U2AF2: variants seen among roughly 807,000 people sequenced by gnomAD.
The protein encoded by U2AF2 is splicing factor U2AF 65 kDa subunit.
U2AF2 carries 6 observed loss-of-function variants against 52.6 expected under a neutral mutation model. That is an observed-to-expected ratio of 0.11 (90% CI 0.06 to 0.23). The LOEUF is 0.23. U2AF2 is among the 10% of genes least tolerant of loss of function. U2AF2 has a pLI of 1.00. For synonymous variants in U2AF2, 284 were observed against 258.2 expected (o/e 1.10, Z -0.96); for missense variants, 222 against 677.1 (o/e 0.33, Z 7.46).
Position 55,669,748 on chromosome 19 carries a change from GC to G in U2AF2, c.1293+59del. ...ACCCTCTGCCCCTCCTCTTCTCCGC[GC>G]CCTCTTTCTTCCTCTCTTGCTCCCT... On this transcript the variant is annotated intron_variant, in intron 11 of 11. Coordinates refer to ENST00000308924, the MANE Select transcript of U2AF2 (RefSeq NM_007279.3). 2.0e-6 allele frequency: 3 copies of G among 1,516,154 alleles called. No homozygotes were observed. The African/African-American group carries it at 4.2e-5, about 21-fold the overall frequency. The allele number at this position is 1,516,154 out of a possible 1,614,324, so 93.9% of individuals were successfully genotyped here.
intron 4 of U2AF2, 103 bp from the exon 5 acceptor site, chr19:55,660,935 G>A: frequency 6.7e-7 from 1 of 1,485,152 alleles, no homozygotes; most frequent in Admixed American, 2.3e-5. Flanking sequence ...CCGAGAGCCT[G>A]TAGGAGCTTT....
In U2AF2 at chr19:55,661,022, T is replaced by C; in HGVS notation, c.335-16T>C. The stretch of plus-strand genomic sequence containing the variant: ...TCCCCTGATGGGGTTTTATCCGGCT[T>C]TTATTCCCTTTGAAGCTGCGGGTCA... On this transcript the variant is annotated splice_polypyrimidine_tract_variant and intron_variant, in intron 4 of 11. Transcript: ENST00000308924. The C allele has an allele frequency of 6.4e-7, 1 of 1,568,170 alleles. No homozygotes were observed. Among genetic ancestry groups the C allele is most frequent in the Non-Finnish European group, 8.7e-7 (1 of 1,147,884 alleles).
intron 7 of U2AF2, among the ~76,000 whole-genome samples, chr19:55,665,074 T>C (rs1984462146): frequency 6.6e-6 from 1 of 152,206 alleles, no homozygotes; most frequent in Non-Finnish European, 1.5e-5. Flanking sequence ...GAGCCTGTAA[T>C]ATATGTTGAC....
chr19:55,659,749 T>A (rs1984040747), intron 2 of U2AF2, among the ~76,000 whole-genome samples: 1 of 152,062 alleles, frequency 6.6e-6, no homozygotes, highest in Non-Finnish European at 1.5e-5. Context: ...GTTTCTTTCT[T>A]CCCTGCCTCC....
intron 1 of U2AF2, among the ~76,000 whole-genome samples, chr19:55,655,390 T>C (rs921208024): frequency 6.6e-6 from 1 of 152,146 alleles, no homozygotes; most frequent in Non-Finnish European, 1.5e-5. Flanking sequence ...CGGCTGTCCC[T>C]GCGCCCCACG....
intron 3 of U2AF2, 97 bp downstream of exon 3, chr19:55,660,318 A>C (rs1443867055): frequency 5.7e-6 from 8 of 1,395,768 alleles, no homozygotes. Flanking sequence ...GCCCTGGCCC[A>C]AGCACTGGGA....
At chr19:55,657,756 A>G (rs553181902) in intron 1 of U2AF2, among the ~76,000 whole-genome samples, 13 of 152,200 alleles carry the variant, frequency 8.5e-5, no homozygotes, top group East Asian at 1.9e-4. Context: ...CCTGATCCAC[A>G]TTCGAGAGTA....
At chr19:55,666,430 G>T (rs566959825) in intron 7 of U2AF2, among the ~76,000 whole-genome samples, 1 of 152,374 alleles carries the variant, frequency 6.6e-6, no homozygotes. Flanking sequence ...AAGACTCCGA[G>T]AAGATTCCTT....
Position 55,668,966 on chromosome 19 carries a change from C to A in U2AF2, c.946-117C>A. On this transcript the variant is annotated intron_variant, in intron 9 of 11. Transcript: ENST00000308924. This position sits in a 1 kb window ranked among gnomAD's most constrained non-coding sequence, Gnocchi z 5.5. ...CGTTGGCTTTTTCCAGGCTCTTAATCCCCTTTGCCTTCCCCTCTTCCCCCA... is the reference window on the plus strand; with the variant it reads ...CGTTGGCTTTTTCCAGGCTCTTAATACCCTTTGCCTTCCCCTCTTCCCCCA... 1.4e-6 allele frequency: 2 copies of A among 1,477,104 alleles called. No homozygotes were observed. The highest frequency in any genetic ancestry group is 2.6e-5 in the South Asian group (2 of 78,150). The allele number at this position is 1,477,104 out of a possible 1,614,324, so 91.5% of individuals were successfully genotyped here.
Position 55,660,625 on chromosome 19 carries a change from C to G in U2AF2, c.334+6C>G. The G allele has an allele frequency of 6.2e-7, 1 of 1,612,166 alleles. No individual in the cohort carries two copies. The highest frequency in any genetic ancestry group is 8.5e-7 in the Non-Finnish European group (1 of 1,179,030). ...GCAGTACAAGGCCATGCAAGGTAGG[C>G]CCCTGGCCAGGCTGCTCCCAGAGCG... On this transcript the variant is annotated splice_donor_region_variant and intron_variant, in intron 4 of 11. Coordinates refer to ENST00000308924, the MANE Select transcript of U2AF2 (RefSeq NM_007279.3).
intron 4 of U2AF2, among the ~76,000 whole-genome samples, chr19:55,660,830 C>T (rs1488896122): frequency 6.6e-6 from 1 of 152,080 alleles, no homozygotes; most frequent in Non-Finnish European, 1.5e-5. Context: ...ATGAGGCCTC[C>T]ATCTGGACGC....
chr19:55,666,445 G>A (rs908906992), intron 7 of U2AF2, among the ~76,000 whole-genome samples: 2 of 152,188 alleles, frequency 1.3e-5, no homozygotes, highest in African/African-American at 4.8e-5. Flanking sequence ...TTCCTTTGAA[G>A]TTGTTGTCAT....
rs952449701 is a variant in U2AF2 at position 55,674,123 on chromosome 19, GC to G, written c.*63del. The G allele has an allele frequency of 6.7e-5, 96 of 1,437,888 alleles. No homozygotes were observed. The highest frequency in any genetic ancestry group is 2.5e-4 in the Admixed American group (12 of 47,990). 89.1% of individuals were successfully genotyped at this position (1,437,888 alleles called of 1,614,324 possible). A position where few individuals can be genotyped will look rare whatever the true frequency, so the allele number is the denominator to read the frequency against. On this transcript the variant is annotated 3_prime_UTR_variant, in exon 12 of 12. Coordinates refer to ENST00000308924, the MANE Select transcript of U2AF2 (RefSeq NM_007279.3). ...TGGCTGGGGGCTTCTCCCCACTCCC[GC>G]CCCCCCCTTATCCCCCTCTGAAGAC...
chr19:55,667,398 G>T lies in U2AF2; in HGVS notation c.743-1109G>T, dbSNP rs540023481. On this transcript the variant is annotated intron_variant, in intron 7 of 11. Coordinates refer to ENST00000308924, the MANE Select transcript of U2AF2 (RefSeq NM_007279.3). ...TTTGAACTTGGGAGTCAGGCTGGTTGGTTACCGGGGCCTGGCATAGCTGAT... is the reference window on the plus strand; with the variant it reads ...TTTGAACTTGGGAGTCAGGCTGGTTTGTTACCGGGGCCTGGCATAGCTGAT... 2.1e-3 allele frequency among the ~76,000 whole-genome samples: 320 copies of T among 152,304 alleles called. 1 individual carries two copies. The highest frequency in any genetic ancestry group is 3.4e-3 in the Middle Eastern group (1 of 294).
At chr19:55,670,632 C>T in intron 11 of U2AF2, 1 of 256,086 alleles carries the variant, frequency 3.9e-6, no homozygotes, top group South Asian at 3.7e-5. Context: ...TCAGGGTGGT[C>T]AAGGTCAAGA....
chr19:55,658,542 A>C (rs937256321), intron 1 of U2AF2, among the ~76,000 whole-genome samples: 2 of 152,042 alleles, frequency 1.3e-5, no homozygotes, highest in Admixed American at 1.3e-4. Context: ...GAGAGATTCA[A>C]GTGGTTTGGG....
In U2AF2 at chr19:55,659,033, T is replaced by A. The variant is rs145768292; in HGVS notation, c.50-177T>A. On this transcript the variant is annotated intron_variant, in intron 1 of 11. Transcript: ENST00000308924. The stretch of plus-strand genomic sequence containing the variant: ...AGGCCCCGTCCCCCTGGTCCCCTCA[T>A]GGTCCCTGGACTCGCTTGTGGACCC... The A allele has an allele frequency of 1.2e-3, 1,216 of 1,025,040 alleles. 2 individuals carry two copies. Among genetic ancestry groups the A allele is most frequent in the South Asian group, 1.6e-3 (46 of 28,586 alleles). 63.5% of individuals were successfully genotyped at this position (1,025,040 alleles called of 1,614,324 possible). A position where few individuals can be genotyped will look rare whatever the true frequency, so the allele number is the denominator to read the frequency against.
intron 7 of U2AF2, chr19:55,664,109 G>A (rs1984392831): frequency 9.4e-6 from 2 of 212,744 alleles, no homozygotes; most frequent in Non-Finnish European, 1.9e-5. Flanking sequence ...GTGTGTCGAC[G>A]GTTGGCAGCA....
rs959823184 is a variant in U2AF2, at chr19:55,669,524, T to G, written c.1125T>G (p.Thr375=). 6.2e-7 allele frequency: 1 copy of G among 1,613,866 alleles called. No homozygotes were observed. Among genetic ancestry groups the G allele is most frequent in the African/African-American group, 1.3e-5 (1 of 75,014 alleles). Residue 375 remains threonine (T), a synonymous_variant, in exon 11 of 12, where the codon ACT becomes ACG. Transcript: ENST00000308924. ...SSQVQMGGHP[T]EVLCLMNMVL... is the part of the protein sequence containing the mutation. ...AGGTGCAGATGGGCGGCCACCCGAC[T>G]GAGGTCCTGTGCCTCATGAACATGG... is the stretch of plus-strand genomic sequence containing the variant.
Sources: gnomAD v4.1 joint callset for allele counts (sites outside exome capture counted in the v4.1 genomes callset) on GRCh38, gnomAD v4.1.1 for gene constraint, Gnocchi (gnomAD v3.1) non-coding constraint, MANE v1.5 for transcripts, NCBI Gene and HGNC (gene_info 2026-07-23, HGNC 2026-07-21) for gene names.